Variants in NHSL1 observed in about 807,000 individuals in gnomAD.
NHSL1 encodes NHS like 1, also known as NHS-like protein 1.
Under a neutral mutation model 95.0 loss-of-function variants are expected in NHSL1, and 48 were observed. That is an observed-to-expected ratio of 0.51 (90% confidence interval 0.40 to 0.64). The LOEUF is 0.64. Among genes scored for constraint, NHSL1 ranks in the 30% least tolerant of loss-of-function variants. The pLI is 0.00. For synonymous variants in NHSL1, 783 were observed against 833.9 expected (o/e 0.94, Z 1.05); for missense variants, 1,971 against 2,077.7 (o/e 0.95, Z 1.00).
Position 138,433,180 on chromosome 6 carries a change from G to A in NHSL1, c.1165C>T (p.His389Tyr), listed in dbSNP as rs748031412. 2 of 1,551,188 alleles carry A rather than the reference G, an allele frequency of 1.3e-6. No individual in the cohort carries two copies. Among genetic ancestry groups the A allele is most frequent in the South Asian group, 2.4e-5 (2 of 84,056 alleles). Residue 389 changes from histidine to tyrosine, a missense_variant, in exon 6 of 8, where the codon CAC (histidine) becomes TAC (tyrosine). Coordinates refer to ENST00000343505, the MANE Select transcript of NHSL1 (RefSeq NM_001144060.2). Reference sequence around the variant, plus strand: ...CTCATTATATTTTCACTCTCGAAGTGTCTCAACTCCTGGGATTTGGGTCTC... The same window carrying A: ...CTCATTATATTTTCACTCTCGAAGTATCTCAACTCCTGGGATTTGGGTCTC... ...LLRPKSQELR[H>Y]FESENIMSPA...
At chr6:138,437,359 CATAT>C (rs374814827) in intron 5 of NHSL1, among the ~76,000 whole-genome samples, 1 of 20,970 alleles carries the variant, frequency 4.8e-5, no homozygotes, top group African/African-American at 1.4e-4. Flanking sequence ...TATATATACA[CATAT>C]ATATATATAC....
At chr6:138,564,893 A>G (rs1180900577) in intron 1 of NHSL1, among the ~76,000 whole-genome samples, 1 of 152,140 alleles carries the variant, frequency 6.6e-6, no homozygotes, top group African/African-American at 2.4e-5. Flanking sequence ...CAGGCAGGGG[A>G]GGCGACTCGA....
intron 3 of NHSL1, among the ~76,000 whole-genome samples, chr6:138,454,224 TTGAC>T (rs1483240916): frequency 1.3e-5 from 2 of 152,282 alleles, no homozygotes; most frequent in Admixed American, 6.5e-5. Flanking sequence ...TAAACTTGCT[TTGAC>T]TTTTACAAAA....
intron 7 of NHSL1, among the ~76,000 whole-genome samples, chr6:138,425,326 A>C (rs1444520703): frequency 1.3e-5 from 2 of 152,098 alleles, no homozygotes; most frequent in Non-Finnish European, 2.9e-5. Flanking sequence ...CAAACTCCTG[A>C]CCTCAGGTGA....
chr6:138,473,444 G>A lies in NHSL1; in HGVS notation c.212-11C>T. On this transcript the variant is annotated splice_polypyrimidine_tract_variant and intron_variant, in intron 2 of 7. Transcript: ENST00000343505. ...GCAACTTATCGCATTCTGCAGAGGG[G>A]CACGCAGGGAGGGGAAGGAGGCCAT... 2.1e-6 allele frequency: 3 copies of A among 1,423,952 alleles called. No homozygotes were observed. Among genetic ancestry groups the A allele is most frequent in the Non-Finnish European group, 2.8e-6 (3 of 1,078,692 alleles). The allele number at this position is 1,423,952 out of a possible 1,614,324, so 88.2% of individuals were successfully genotyped here. A position where few individuals can be genotyped will look rare whatever the true frequency, so the allele number is the denominator to read the frequency against.
At chr6:138,493,972 T>G (rs1205618984) in intron 2 of NHSL1, among the ~76,000 whole-genome samples, 1 of 152,136 alleles carries the variant, frequency 6.6e-6, no homozygotes, top group South Asian at 2.1e-4. Context: ...AAACCAACAA[T>G]GCCCTCACTT....
chr6:138,570,129 A>T (rs746077120), intron 1 of NHSL1, among the ~76,000 whole-genome samples: 6 of 152,234 alleles, frequency 3.9e-5, no homozygotes, highest in Non-Finnish European at 7.3e-5. Flanking sequence ...CTGTTCCTTT[A>T]ATGCTAATTC....
In NHSL1 at chr6:138,423,999, G is replaced by T; in HGVS notation, c.*82C>A. The T allele has an allele frequency of 7.9e-7, 1 of 1,271,246 alleles. No individual in the cohort carries two copies. Among genetic ancestry groups the T allele is most frequent in the East Asian group, 2.9e-5 (1 of 34,890 alleles). 78.7% of individuals were successfully genotyped at this position (1,271,246 alleles called of 1,614,324 possible). On this transcript the variant is annotated 3_prime_UTR_variant, in exon 8 of 8. Transcript: ENST00000343505. ...CAGAGTGGGCTCCCCGGGTGAGCCAGGGAAGGGCGCCTAGCAGGCTTCCTA... is the reference window on the plus strand; with the variant it reads ...CAGAGTGGGCTCCCCGGGTGAGCCATGGAAGGGCGCCTAGCAGGCTTCCTA...
At chr6:138,649,912 A>C (rs1365727674) in intron 1 of NHSL1, among the ~76,000 whole-genome samples, 2 of 152,100 alleles carry the variant, frequency 1.3e-5, no homozygotes, top group Non-Finnish European at 2.9e-5. Context: ...CTGGGCCCCC[A>C]CGAGCCATTC....
rs1170581834 is a variant in NHSL1, at chr6:138,670,404, C to G, written c.96+22072G>C. Among the ~76,000 whole-genome samples, 3 of 151,350 alleles carry G rather than the reference C, an allele frequency of 2.0e-5. No homozygotes were observed. The East Asian group carries it at 5.8e-4, about 29-fold the overall frequency. Reference sequence around the variant, plus strand: ...AAAAAAGGCCGGGCGCGGTGGCTCACGCCTATAATCCCAGCACTTTGGGAG... The same window carrying G: ...AAAAAAGGCCGGGCGCGGTGGCTCAGGCCTATAATCCCAGCACTTTGGGAG... On this transcript the variant is annotated intron_variant, in intron 1 of 3. Coordinates refer to the NHSL1 transcript ENST00000491526.
chr6:138,550,685 GT>G (rs1318279327), upstream of NHSL1, among the ~76,000 whole-genome samples: 35 of 152,308 alleles, frequency 2.3e-4, no homozygotes, highest in African/African-American at 7.9e-4. Flanking sequence ...TGTGCTACCA[GT>G]TTAATTTTGA....
chr6:138,461,038 C>T (rs911155098), intron 3 of NHSL1, among the ~76,000 whole-genome samples: 48 of 151,916 alleles, frequency 3.2e-4, no homozygotes, highest in South Asian at 8.3e-4. Context: ...CAGAAGTTGC[C>T]GAAGGTGCGA....
chr6:138,454,060 C>A (rs1397995370), intron 3 of NHSL1, among the ~76,000 whole-genome samples: 6 of 152,126 alleles, frequency 3.9e-5, no homozygotes, highest in Non-Finnish European at 8.8e-5. Flanking sequence ...GAACTCACTA[C>A]TCAACCCATG....
At chr6:138,495,237 C>A (rs184530812) in intron 2 of NHSL1, among the ~76,000 whole-genome samples, 23 of 152,160 alleles carry the variant, frequency 1.5e-4, no homozygotes, top group Admixed American at 1.4e-3. Context: ...AGTGAGACTC[C>A]ATCTCAATAA....
At chr6:138,515,046 G>A (rs529329860) in intron 1 of NHSL1, among the ~76,000 whole-genome samples, 2 of 152,226 alleles carry the variant, frequency 1.3e-5, no homozygotes, top group East Asian at 1.9e-4. Context: ...TGTGACTGAC[G>A]GGCAGGCAGT....
At chr6:138,589,810 G>A (rs1300102330) in intron 1 of NHSL1, among the ~76,000 whole-genome samples, 3 of 152,068 alleles carry the variant, frequency 2.0e-5, no homozygotes, top group Non-Finnish European at 2.9e-5. Context: ...CTGCTCCTCT[G>A]AGTCGGCACA....
At chr6:138,466,046 G>A (rs573374503) in intron 3 of NHSL1, among the ~76,000 whole-genome samples, 4 of 140,298 alleles carry the variant, frequency 2.9e-5, no homozygotes, top group African/African-American at 1.1e-4. Flanking sequence ...CTTTTTGGGG[G>A]GGGGGCAGGG....
intron 1 of NHSL1, among the ~76,000 whole-genome samples, chr6:138,580,732 C>T (rs1023755298): frequency 2.6e-5 from 4 of 152,064 alleles, no homozygotes; most frequent in Admixed American, 2.6e-4. Context: ...AATTAATAGC[C>T]CCACAATTAC....
At chr6:138,476,559 G>T (rs1779080692) in intron 2 of NHSL1, among the ~76,000 whole-genome samples, 1 of 152,134 alleles carries the variant, frequency 6.6e-6, no homozygotes, top group South Asian at 2.1e-4. Context: ...CGCGCCAGTA[G>T]CTCACGCCTG....
Sources: gnomAD v4.1 joint callset for allele counts (sites outside exome capture counted in the v4.1 genomes callset) on GRCh38, gnomAD v4.1.1 for gene constraint, MANE v1.5 for transcripts, NCBI Gene and HGNC (gene_info 2026-07-23, HGNC 2026-07-21) for gene names.